ACSM1: variants seen among roughly 807,000 people sequenced by gnomAD.
ACSM1 encodes the protein acyl-coenzyme A synthetase ACSM1, mitochondrial.
Under a neutral mutation model 75.8 loss-of-function variants are expected in ACSM1, and 79 were observed. That is an observed-to-expected ratio of 1.04 (90% confidence interval 0.87 to 1.26). The LOEUF (loss-of-function observed/expected upper bound fraction) is 1.26. ACSM1 is among the 50% of genes most tolerant of loss of function. The probability of loss-of-function intolerance (pLI) is 0.00; values close to 1 mark genes in which losing one functional copy is unlikely to be tolerated. For missense variants in ACSM1, 676 were observed against 720.1 expected, an observed-to-expected ratio of 0.94 and a Z score of 0.70; for synonymous variants, 279 against 265.8, an observed-to-expected ratio of 1.05 and a Z score of -0.48.
rs149437176 is a variant in ACSM1, at chr16:20,653,102, T to C, written c.992+8692A>G. ...TGGGATGCAAGGCTGGTTCAACATA[T>C]GCAAATCTATAAACAAAATCCAGCA... On this transcript the variant is annotated intron_variant, in intron 7 of 13. Coordinates refer to ENST00000520010, the MANE Select transcript of ACSM1 (RefSeq NM_001318890.3). Among the ~76,000 whole-genome samples, 1,223 of 152,208 alleles carry C rather than the reference T, an allele frequency of 8.0e-3. 7 individuals are homozygous for C. Among genetic ancestry groups the C allele is most frequent in the African/African-American group, 0.018 (736 of 41,532 alleles).
chr16:20,671,332 C>T (rs2019881988), intron 5 of ACSM1, among the ~76,000 whole-genome samples, 199 bp downstream of exon 5: 1 of 151,946 alleles, frequency 6.6e-6, no homozygotes, highest in Non-Finnish European at 1.5e-5. Flanking sequence ...TGTCAGCAAA[C>T]ATTTAGGATT....
chr16:20,685,750 G>A (rs1676737396), intron 2 of ACSM1, among the ~76,000 whole-genome samples: 1 of 148,042 alleles, frequency 6.8e-6, no homozygotes, highest in Admixed American at 6.9e-5. Context: ...AACCCAGGAG[G>A]CAGAGGTTGC....
chr16:20,636,780 T>C lies in ACSM1; in HGVS notation c.1258A>G (p.Ile420Val). 1 of 1,614,106 alleles carries C rather than the reference T, an allele frequency of 6.2e-7. No individual in the cohort carries two copies. The highest frequency in any genetic ancestry group is 8.5e-7 in the Non-Finnish European group (1 of 1,180,022). The change falls in exon 10 of 14, where the codon ATC becomes GTC. Residue 420 changes from isoleucine to valine, a missense_variant. Transcript: ENST00000520010. ...AGGCTCACAGGCCTGACAGGTTTGA[T>C]TCTGATGCCAATGTTTCCTTCTGTG... ...PNTEGNIGIR[I>V]KPVRPVSLFM... is the part of the protein sequence containing the mutation.
chr16:20,641,514 G>A (rs151327), intron 7 of ACSM1, among the ~76,000 whole-genome samples: 44,557 of 152,032 alleles, frequency 0.29, 7,981 homozygotes, highest in African/African-American at 0.5. Context: ...AGCAGAACAT[G>A]CTCCTTATAA....
intron 11 of ACSM1, 88 bp downstream of exon 11, chr16:20,627,101 A>G: frequency 2.8e-6 from 4 of 1,440,410 alleles, no homozygotes; most frequent in Middle Eastern, 3.7e-4. Context: ...CTGAAATTTC[A>G]CCAATGCGTG....
chr16:20,625,511 C>T lies in ACSM1; in HGVS notation c.1439G>A (p.Gly480Glu), dbSNP rs1047917755. 8 of 1,614,036 alleles carry T rather than the reference C, an allele frequency of 5.0e-6. No homozygotes were observed. Among genetic ancestry groups the T allele is most frequent in the Non-Finnish European group, 6.8e-6 (8 of 1,180,002 alleles). The part of the protein sequence containing the change: ...DIINASGYRI[G>E]PAEVESALVE... ...CAAAGCGCTTTCAACCTCTGCAGGC[C>T]CGATGCGATACCTGGAGGATGAAGG... The change falls in exon 12 of 14, where the codon GGG becomes GAG. Residue 480 changes from glycine (G) to glutamate (E), a missense_variant. By Grantham distance (98) the Gly-to-Glu change is moderately conservative (BLOSUM62 -2). Transcript: ENST00000520010.
At chr16:20,667,460 A>T (rs190485388) in intron 6 of ACSM1, among the ~76,000 whole-genome samples, 19 of 152,336 alleles carry the variant, frequency 1.2e-4, no homozygotes, top group Admixed American at 8.5e-4. Context: ...ACAGTGAGAT[A>T]CCATCTCACA....
chr16:20,657,549 T>A (rs1445042900), intron 7 of ACSM1, among the ~76,000 whole-genome samples: 1 of 152,122 alleles, frequency 6.6e-6, no homozygotes, highest in Non-Finnish European at 1.5e-5. Flanking sequence ...CCTCAGGTGA[T>A]CCACCCACCT....
At chr16:20,654,872 A>G (rs2018860088) in intron 7 of ACSM1, among the ~76,000 whole-genome samples, 2 of 152,196 alleles carry the variant, frequency 1.3e-5, no homozygotes, top group Admixed American at 6.5e-5. Flanking sequence ...TAGAAATACC[A>G]TTTGACCCAG....
chr16:20,663,056 C>T (rs1328287547), intron 6 of ACSM1, among the ~76,000 whole-genome samples: 1 of 152,086 alleles, frequency 6.6e-6, no homozygotes, highest in Non-Finnish European at 1.5e-5. Context: ...GGGCCTAAAC[C>T]CCCTTGTGGC....
At chr16:20,664,600 C>G (rs2019471632) in intron 6 of ACSM1, among the ~76,000 whole-genome samples, 1 of 152,150 alleles carries the variant, frequency 6.6e-6, no homozygotes, top group Non-Finnish European at 1.5e-5. Flanking sequence ...ATGATTGAGA[C>G]AGAAAACTAA....
intron 7 of ACSM1, among the ~76,000 whole-genome samples, chr16:20,657,395 G>C (rs944810483): frequency 2.6e-5 from 4 of 151,952 alleles, no homozygotes; most frequent in African/African-American, 9.7e-5. Flanking sequence ...TGCAACCTCT[G>C]CCTCCTGTGT....
chr16:20,632,849 G>T (rs980101224), intron 10 of ACSM1, among the ~76,000 whole-genome samples: 1 of 152,066 alleles, frequency 6.6e-6, no homozygotes, highest in Non-Finnish European at 1.5e-5. Flanking sequence ...GACCAAGTGG[G>T]ATTTATTCCT....
intron 7 of ACSM1, among the ~76,000 whole-genome samples, chr16:20,658,431 C>T (rs962177822): frequency 4.6e-5 from 7 of 151,724 alleles, no homozygotes; most frequent in African/African-American, 1.5e-4. Context: ...TGTTCATATC[C>T]TTCACCCACT....
At chr16:20,635,954 C>T (rs2017681329) in intron 10 of ACSM1, among the ~76,000 whole-genome samples, 1 of 152,024 alleles carries the variant, frequency 6.6e-6, no homozygotes, top group African/African-American at 2.4e-5. Flanking sequence ...TTCTTTTATC[C>T]AATCTTTAAG....
chr16:20,651,005 T>G (rs1391190663), intron 7 of ACSM1, among the ~76,000 whole-genome samples: 1 of 151,888 alleles, frequency 6.6e-6, no homozygotes, highest in African/African-American at 2.4e-5. Flanking sequence ...ACTGAAGTAA[T>G]AGCTATGGGA....
rs534990648 is a variant in ACSM1 at position 20,637,078 on chromosome 16, T to C, written c.1198-238A>G. ...AATGTGTCTTCAAGTTGGAAAACAG[T>C]GATCAAAAAAAATGAAAAGCACCAC... On this transcript the variant is annotated intron_variant, in intron 9 of 13. Transcript: ENST00000520010. 8.0e-6 allele frequency: 6 copies of C among 751,822 alleles called. No individual in the cohort carries two copies. In the South Asian group the frequency reaches 8.3e-5, roughly 10 times the overall value. The allele number at this position is 751,822 out of a possible 1,614,324, so 46.6% of individuals were successfully genotyped here.
rs61745764 is a variant in ACSM1 at position 20,669,907 on chromosome 16, T to A, written c.832A>T (p.Thr278Ser). The A allele has an allele frequency of 6.4e-3, 10,291 of 1,613,696 alleles. 543 individuals are homozygous for A. The African/African-American group carries it at 0.12, about 19-fold the overall frequency. The change falls in exon 6 of 14, where the codon ACC becomes TCC. Residue 278 changes from threonine to serine, a missense_variant. Physicochemically the swap from Thr to Ser is moderately conservative, Grantham distance 58 (BLOSUM62 1). Coordinates refer to ENST00000520010, the MANE Select transcript of ACSM1 (RefSeq NM_001318890.3). ...DSGWIVATIWTLVEPWTAGCT... is the reference protein window; with the variant it reads ...DSGWIVATIWSLVEPWTAGCT... ...CCCGCTGTCCATGGTTCTACCAGGG[T>A]CCAAATGGTAGCCACAATCCATCCT...
chr16:20,627,379 T>C lies in ACSM1; in HGVS notation c.1300-63A>G, dbSNP rs142057414. 829 of 1,488,002 alleles carry C rather than the reference T, an allele frequency of 5.6e-4. 5 individuals are homozygous for C. The African/African-American group carries it at 0.011, about 20-fold the overall frequency. The allele number at this position is 1,488,002 out of a possible 1,614,324, so 92.2% of individuals were successfully genotyped here. On this transcript the variant is annotated intron_variant, in intron 10 of 13. Transcript: ENST00000520010. ...AATTTAGAGGTGATGAGCCACAACC[T>C]TGGGTTCCAATCTGGGTTTGAATTC...
Sources: gnomAD v4.1 joint callset for allele counts (sites outside exome capture counted in the v4.1 genomes callset) on GRCh38, gnomAD v4.1.1 for gene constraint, MANE v1.5 for transcripts, NCBI Gene and HGNC (gene_info 2026-07-23, HGNC 2026-07-21) for gene names.